The following DGKG variants were observed in gnomAD, a reference collection of about 807,000 sequenced individuals.
DGKG encodes the protein diacylglycerol kinase gamma.
Under a neutral mutation model 105.3 loss-of-function variants are expected in DGKG, and 78 were observed. The observed-to-expected ratio is 0.74, with a 90% CI of 0.62 to 0.89. DGKG has a LOEUF of 0.89. Ranked by LOEUF, DGKG falls within the 40% of genes least tolerant of loss-of-function variation. The probability of loss-of-function intolerance (pLI) is 0.00; values close to 1 mark genes in which losing one functional copy is unlikely to be tolerated. For missense variants in DGKG, 958 were observed against 1,020.1 expected (o/e 0.94, Z 0.83); for synonymous variants, 346 against 367.1 (o/e 0.94, Z 0.66).
At chr3:186,250,595 G>A (rs1721168842) in intron 19 of DGKG, among the ~76,000 whole-genome samples, 1 of 106,108 alleles carries the variant, frequency 9.4e-6, no homozygotes, top group African/African-American at 3.4e-5. Context: ...TGTTGTCCAG[G>A]TTGGAGTGCA....
chr3:186,314,076 G>T (rs549197110), intron 2 of DGKG, among the ~76,000 whole-genome samples: 1 of 152,126 alleles, frequency 6.6e-6, no homozygotes, highest in African/African-American at 2.4e-5. Context: ...TGATTCGAAA[G>T]AAATATATTT....
At chr3:186,164,816 C>T (rs1279837962) in intron 23 of DGKG, 82 bp downstream of exon 23, 5 of 1,487,712 alleles carry the variant, frequency 3.4e-6, no homozygotes, top group African/African-American at 2.8e-5. Flanking sequence ...CCCTAAAATC[C>T]AAAGATGGCT....
chr3:186,160,490 T>C lies in DGKG; in HGVS notation c.2277+1113A>G, dbSNP rs1315248022. 3.0e-6 allele frequency: 3 copies of C among 985,310 alleles called. No individual in the cohort carries two copies. In the Admixed American group the frequency reaches 1.8e-4, roughly 61 times the overall value. The allele number at this position is 985,310 out of a possible 1,614,324, so 61.0% of individuals were successfully genotyped here. Reference sequence around the variant, plus strand: ...GATATAGTGTGTTTTCATTTTTTTCTTGGTCTTCATAAGATTGAGGTAAGA... The same window carrying C: ...GATATAGTGTGTTTTCATTTTTTTCCTGGTCTTCATAAGATTGAGGTAAGA... On this transcript the variant is annotated intron_variant, in intron 24 of 24. Coordinates refer to ENST00000265022, the MANE Select transcript of DGKG (RefSeq NM_001346.3).
chr3:186,148,542 A>G lies in DGKG; in HGVS notation c.*1548T>C, dbSNP rs890828842. The G allele has an allele frequency of 1.0e-6, 1 of 985,128 alleles. No individual in the cohort carries two copies. The highest frequency in any genetic ancestry group is 1.7e-5 in the African/African-American group (1 of 57,146). The allele number at this position is 985,128 out of a possible 1,614,324, so 61.0% of individuals were successfully genotyped here. Reference sequence around the variant, plus strand: ...TCCCTGGCAACCTGGATCCAAGTGGACTCACTTTTCAGTGACCAGAAATGA... The same window carrying G: ...TCCCTGGCAACCTGGATCCAAGTGGGCTCACTTTTCAGTGACCAGAAATGA... On this transcript the variant is annotated 3_prime_UTR_variant, in exon 25 of 25. Transcript: ENST00000265022.
chr3:186,176,650 T>G (rs62288979), intron 22 of DGKG, among the ~76,000 whole-genome samples: 424 of 152,346 alleles, frequency 2.8e-3, no homozygotes, highest in Non-Finnish European at 4.9e-3. Flanking sequence ...CAGTCTTGGA[T>G]AGGTCAATTA....
rs764627982 is a variant in DGKG at position 186,226,031 on chromosome 3, G to A, written c.1827-14146C>T. 5.0e-4 allele frequency among the ~76,000 whole-genome samples: 76 copies of A among 152,292 alleles called. No homozygotes were observed. The highest frequency in any genetic ancestry group is 1.0e-3 in the Admixed American group (16 of 15,298). On this transcript the variant is annotated intron_variant, in intron 20 of 24. Coordinates refer to ENST00000265022, the MANE Select transcript of DGKG (RefSeq NM_001346.3). This position sits in a 1 kb window ranked among gnomAD's most constrained non-coding sequence, Gnocchi z 4.2. ...TGGGAAATAATATTGCAGTTGCTCT[G>A]TGTTTGGAAGTTAGGGCACAACCTG...
At chr3:186,151,676 T>C (rs927786879) in intron 24 of DGKG, among the ~76,000 whole-genome samples, 4 of 152,194 alleles carry the variant, frequency 2.6e-5, no homozygotes, top group African/African-American at 9.7e-5. Flanking sequence ...GATGGCATTC[T>C]GTGCTGGAGA....
At chr3:186,289,418 G>C (rs575141078) in intron 5 of DGKG, among the ~76,000 whole-genome samples, 31 of 152,180 alleles carry the variant, frequency 2.0e-4, no homozygotes, top group Non-Finnish European at 4.0e-4. Flanking sequence ...GTCTAATTTG[G>C]ATGAAGAAAA....
At chr3:186,274,760 G>A (rs1286601586) in intron 10 of DGKG, among the ~76,000 whole-genome samples, 1 of 152,034 alleles carries the variant, frequency 6.6e-6, no homozygotes, top group South Asian at 2.1e-4. Flanking sequence ...GTATATATGT[G>A]CCACATTTTC....
intron 2 of DGKG, among the ~76,000 whole-genome samples, chr3:186,319,885 T>C (rs1724999485): frequency 6.6e-6 from 1 of 152,220 alleles, no homozygotes; most frequent in Admixed American, 6.5e-5. Context: ...ACATTAGCAT[T>C]CAGCATCTTA....
intron 22 of DGKG, among the ~76,000 whole-genome samples, chr3:186,185,120 C>A (rs1380272773): frequency 1.3e-5 from 2 of 152,208 alleles, no homozygotes; most frequent in Non-Finnish European, 2.9e-5. Context: ...AGAGTCTGGA[C>A]TGGAACTCCA....
chr3:186,345,781 TG>T (rs1479722818), intron 1 of DGKG, among the ~76,000 whole-genome samples: 1 of 152,228 alleles, frequency 6.6e-6, no homozygotes, highest in African/African-American at 2.4e-5. Flanking sequence ...TGTTTTGTTT[TG>T]TTTTTGAGAC....
Position 186,164,979 on chromosome 3 carries a change from C to T in DGKG, c.2135G>A (p.Gly712Glu). 6.4e-7 allele frequency: 1 copy of T among 1,564,874 alleles called. No individual in the cohort carries two copies. Among genetic ancestry groups the T allele is most frequent in the Non-Finnish European group, 8.7e-7 (1 of 1,154,502 alleles). The change falls in exon 23 of 25, where the codon GGA (glycine) becomes GAA (glutamate). Residue 712 changes from glycine (G) to glutamate (E), a missense_variant. Transcript: ENST00000265022. The stretch of plus-strand genomic sequence containing the variant: ...GTAGATCTGCCCCATCTCCATGGCT[C>T]CTTCTAGCCCCACCACTTCAAGGAG... Reference protein sequence around the residue: ...DQLLEVVGLEGAMEMGQIYTG... With the variant: ...DQLLEVVGLEEAMEMGQIYTG...
At chr3:186,339,936 G>T (rs1294381064) in intron 1 of DGKG, among the ~76,000 whole-genome samples, 2 of 152,170 alleles carry the variant, frequency 1.3e-5, no homozygotes, top group African/African-American at 4.8e-5. Context: ...TCCTCATCTG[G>T]AAAATGGGAA....
At chr3:186,273,455 A>G (rs1165381456) in intron 10 of DGKG, among the ~76,000 whole-genome samples, 2 of 137,144 alleles carry the variant, frequency 1.5e-5, no homozygotes, top group African/African-American at 5.3e-5. Context: ...GCTCACCGCA[A>G]CCTCCGACTC....
At chr3:186,340,985 C>T (rs548629644) in intron 1 of DGKG, among the ~76,000 whole-genome samples, 1 of 152,320 alleles carries the variant, frequency 6.6e-6, no homozygotes, top group South Asian at 2.1e-4. Flanking sequence ...CTGTTCTGCA[C>T]ATGAGACTAC....
intron 1 of DGKG, among the ~76,000 whole-genome samples, chr3:186,325,267 GA>G (rs571035683): frequency 3.3e-5 from 5 of 152,258 alleles, no homozygotes; most frequent in African/African-American, 1.2e-4. Flanking sequence ...GGCAAAGGCT[GA>G]AAAACTGAAA....
At chr3:186,213,178 G>C (rs1225685935) in intron 20 of DGKG, among the ~76,000 whole-genome samples, 1 of 152,232 alleles carries the variant, frequency 6.6e-6, no homozygotes, top group Non-Finnish European at 1.5e-5. Flanking sequence ...AAGAAAGTAA[G>C]AGTAAGCAAG....
rs1718996609 is a variant in DGKG, at chr3:186,210,725, T to A, written c.1917+1070A>T. 1 of 403,116 alleles carries A rather than the reference T, an allele frequency of 2.5e-6. No homozygotes were observed. The highest frequency in any genetic ancestry group is 2.1e-5 in the African/African-American group (1 of 47,206). 25.0% of individuals were successfully genotyped at this position (403,116 alleles called of 1,614,324 possible). On this transcript the variant is annotated intron_variant, in intron 21 of 24. Transcript: ENST00000265022. The surrounding 1 kb of genome is among the most constrained non-coding windows in gnomAD (Gnocchi z 5.2). ...CAGGGAGGCCCAGGCCCCACTGGAC[T>A]GCAGTGCGGGCTTAGAGGCCAAGCT... is the stretch of plus-strand genomic sequence containing the variant.
Sources: gnomAD v4.1 joint callset for allele counts (sites outside exome capture counted in the v4.1 genomes callset) on GRCh38, gnomAD v4.1.1 for gene constraint, Gnocchi (gnomAD v3.1) non-coding constraint, MANE v1.5 for transcripts, NCBI Gene and HGNC (gene_info 2026-07-23, HGNC 2026-07-21) for gene names.